UVSSA: variants seen among roughly 807,000 people sequenced by gnomAD.
UVSSA encodes UV-stimulated scaffold protein A.
In UVSSA, 72 loss-of-function variants were observed where a neutral mutation model predicts 73.9. That is an observed-to-expected ratio of 0.97 (90% CI 0.81 to 1.19). UVSSA has a LOEUF of 1.19. UVSSA is among the 50% of genes most tolerant of loss of function. The pLI is 0.00. For synonymous variants in UVSSA, 454 were observed against 391.3 expected, an observed-to-expected ratio of 1.16 and a Z score of -1.89; for missense variants, 1,150 against 965.0, an observed-to-expected ratio of 1.19 and a Z score of -2.54.
Position 1,369,697 on chromosome 4 carries a change from G to A in UVSSA, c.1288+3266G>A, listed in dbSNP as rs1717784555. Among the ~76,000 whole-genome samples the A allele has an allele frequency of 4.6e-5, 7 of 152,252 alleles. No individual in the cohort carries two copies. In the South Asian group the frequency reaches 1.4e-3, roughly 31 times the overall value. The stretch of plus-strand genomic sequence containing the variant: ...TGTCAGCGCTGGGCAGGCCGCCTGG[G>A]CGCAGAGGCCCCCCTCTCCGTTTCC... On this transcript the variant is annotated intron_variant, in intron 8 of 13. Transcript: ENST00000389851.
chr4:1,355,073 C>T, intron 6 of UVSSA, 44 bp from the exon 7 acceptor site: 1 of 1,604,350 alleles, frequency 6.2e-7, no homozygotes, highest in Non-Finnish European at 8.5e-7. Flanking sequence ...CTTCCCAGGT[C>T]CTGCCCGGCC....
intron 12 of UVSSA, among the ~76,000 whole-genome samples, chr4:1,382,533 C>T (rs1264719359): frequency 6.6e-6 from 1 of 152,232 alleles, no homozygotes; most frequent in Non-Finnish European, 1.5e-5. Context: ...TTTTAAATTG[C>T]TCCTTCATTT....
intron 7 of UVSSA, chr4:1,366,034 C>T: frequency 4.1e-6 from 1 of 241,668 alleles, no homozygotes; most frequent in Non-Finnish European, 8.0e-6. Flanking sequence ...AGGAGGGCAG[C>T]ACCTCCCACA....
chr4:1,349,657 C>T lies in UVSSA; in HGVS notation c.232C>T (p.Leu78=), dbSNP rs372340848. ...LFVRSHQFRM[L]VVSNFQEFLE... is the part of the protein sequence containing the mutation. ...CGTCAGGTCTCACCAGTTCCGGATGCTGGTTGTTTCCAACTTCCAGGAGTT... is the reference window on the plus strand; with the variant it reads ...CGTCAGGTCTCACCAGTTCCGGATGTTGGTTGTTTCCAACTTCCAGGAGTT... The change falls in exon 3 of 14, where the codon CTG becomes TTG. Residue 78 remains leucine (L), a synonymous_variant. Coordinates refer to ENST00000389851, the MANE Select transcript of UVSSA (RefSeq NM_020894.4). 2 of 1,614,078 alleles carry T rather than the reference C, an allele frequency of 1.2e-6. No individual in the cohort carries two copies. Among genetic ancestry groups the T allele is most frequent in the Non-Finnish European group, 1.7e-6 (2 of 1,179,992 alleles).
exon 14 of UVSSA, chr4:1,394,782 GATGT>G (rs1720488088): frequency 6.7e-7 from 1 of 1,501,306 alleles, no homozygotes; most frequent in African/African-American, 1.8e-5. Context: ...CACATGTGCC[GATGT>G]GGAGTGCCAC....
chr4:1,354,873 G>C (rs1400406282), intron 6 of UVSSA, 26 bp downstream of exon 6: 2 of 1,585,032 alleles, frequency 1.3e-6, no homozygotes, highest in African/African-American at 1.4e-5. Context: ...GGGACCTGTG[G>C]GTGGAGGGAC....
intron 3 of UVSSA, 119 bp from the exon 4 acceptor site, chr4:1,351,596 A>G (rs1241012075): frequency 6.5e-6 from 7 of 1,082,804 alleles, no homozygotes; most frequent in Non-Finnish European, 9.1e-6. Context: ...TCACCGTGTT[A>G]GCCAGGATGG....
In UVSSA at chr4:1,395,853, G is replaced by T. The variant is rs753266415; in HGVS notation, c.*9892G>T. ...TTCTCTGCACCTCGAGATAACGTAG[G>T]AATATTAGGGATGAGATGGAAGAGG... On this transcript the variant is annotated 3_prime_UTR_variant, in exon 14 of 14. Transcript: ENST00000511216. 3.1e-6 allele frequency: 5 copies of T among 1,611,314 alleles called. No homozygotes were observed. The African/African-American group carries it at 5.3e-5, about 17-fold the overall frequency.
chr4:1,351,814 C>G lies in UVSSA; in HGVS notation c.529C>G (p.Gln177Glu). 6.2e-7 allele frequency: 1 copy of G among 1,613,514 alleles called. No individual in the cohort carries two copies. Among genetic ancestry groups the G allele is most frequent in the Non-Finnish European group, 8.5e-7 (1 of 1,179,758 alleles). ...TAAAATTTATCAAGAAAGAGCCAGC[C>G]AGGCGGAGAGGGAGATGCAAGGCAA... ...LDKIYQERAS[Q>E]AEREMQEMSG... is the part of the protein sequence containing the mutation. Residue 177 changes from glutamine to glutamate, a missense_variant, in exon 4 of 14, where the codon CAG (glutamine) becomes GAG (glutamate). By Grantham distance (29) the Gln-to-Glu change is conservative (BLOSUM62 2). Transcript: ENST00000389851.
At chr4:1,354,645 G>C (rs916648794) in intron 5 of UVSSA, 90 bp from the exon 6 acceptor site, 2 of 1,195,208 alleles carry the variant, frequency 1.7e-6, no homozygotes, top group African/African-American at 1.5e-5. Context: ...CCTCAGGCTA[G>C]AGCAGCCTTC....
rs775749419 is a variant in UVSSA at position 1,375,457 on chromosome 4, C to T, written c.1382C>T (p.Ala461Val). 6.2e-7 allele frequency: 1 copy of T among 1,613,014 alleles called. No individual in the cohort carries two copies. ...GAGGTGTCGGACCCCACCTCTGCGGCTGCTCAGCTGCGGCAGCTCCGGGAC... is the reference window on the plus strand; with the variant it reads ...GAGGTGTCGGACCCCACCTCTGCGGTTGCTCAGCTGCGGCAGCTCCGGGAC... ...DEEVSDPTSA[A>V]AQLRQLRDHL... Residue 461 changes from alanine (A) to valine (V), a missense_variant, in exon 9 of 14, where the codon GCT becomes GTT. Physicochemically the swap from Ala to Val is moderately conservative, Grantham distance 64. Transcript: ENST00000389851.
chr4:1,383,340 GC>G (rs1560487896), intron 12 of UVSSA, among the ~76,000 whole-genome samples: 9 of 152,218 alleles, frequency 5.9e-5, no homozygotes, highest in African/African-American at 1.9e-4. Flanking sequence ...GCCACAGTTT[GC>G]CTAGTGGGGC....
At position 1,349,683 on chromosome 4, in the gene UVSSA, C is replaced by T. The variant is rs182881806; in HGVS notation, c.258C>T (p.Phe86=). The stretch of plus-strand genomic sequence containing the variant: ...TGGTTGTTTCCAACTTCCAGGAGTT[C>T]CTGGAGCTCACGCTGGGCACAGACC... ...RMLVVSNFQE[F]LELTLGTDPA... The change falls in exon 3 of 14, where the codon TTC becomes TTT. Residue 86 remains phenylalanine, a synonymous_variant. Transcript: ENST00000389851. The T allele has an allele frequency of 6.2e-7, 1 of 1,613,890 alleles. No individual in the cohort carries two copies. Among genetic ancestry groups the T allele is most frequent in the Admixed American group, 1.7e-5 (1 of 59,986 alleles).
chr4:1,379,291 C>T (rs529117513), intron 10 of UVSSA, among the ~76,000 whole-genome samples: 94 of 152,336 alleles, frequency 6.2e-4, no homozygotes, highest in African/African-American at 2.2e-3. Context: ...AGCACAGGGG[C>T]AGTCTGGTCT....
In UVSSA at chr4:1,347,568, C is replaced by T. The variant is rs1713894237; in HGVS notation, c.-195C>T. 6.5e-6 allele frequency: 1 copy of T among 152,674 alleles called. No individual in the cohort carries two copies. Among genetic ancestry groups the T allele is most frequent in the Non-Finnish European group, 1.5e-5 (1 of 68,284 alleles). The allele number at this position is 152,674 out of a possible 1,614,324, so 9.5% of individuals were successfully genotyped here. ...GGCGCTTCCTTCCGGGTCCTTCGGC[C>T]TTTCCCTGGCGGTGCGGCAGGCCCT... is the stretch of plus-strand genomic sequence containing the variant. On this transcript the variant is annotated 5_prime_UTR_variant, in exon 1 of 14. Coordinates refer to ENST00000389851, the MANE Select transcript of UVSSA (RefSeq NM_020894.4).
chr4:1,355,016 G>A (rs1715477409), intron 6 of UVSSA, 101 bp from the exon 7 acceptor site: 1 of 1,547,788 alleles, frequency 6.5e-7, no homozygotes, highest in Admixed American at 1.9e-5. Context: ...GGTGTGCCAG[G>A]GACCCCCCGG....
At chr4:1,380,606 G>C in intron 11 of UVSSA, 1 of 1,487,256 alleles carries the variant, frequency 6.7e-7, no homozygotes, top group Non-Finnish European at 9.0e-7. Flanking sequence ...GGTGCAGGGG[G>C]GTCGCTATGG....
rs777203171 is a variant in UVSSA, at chr4:1,381,000, C to T, written c.1861+12C>T. The T allele has an allele frequency of 1.1e-5, 17 of 1,609,488 alleles. 1 individual carries two copies. The highest frequency in any genetic ancestry group is 8.4e-5 in the Admixed American group (5 of 59,776). On this transcript the variant is annotated intron_variant, in intron 12 of 13. Transcript: ENST00000389851. The stretch of plus-strand genomic sequence containing the variant: ...GCAGGAGCGCCCGGGTAGGTCTGGG[C>T]AAGGCGGTCACCGTGGGAGGCACAG...
At chr4:1,344,284 C>T (rs551118058), upstream of UVSSA, among the ~76,000 whole-genome samples, 13 of 152,320 alleles carry the variant, frequency 8.5e-5, no homozygotes, top group South Asian at 2.3e-3. Flanking sequence ...GGTGCAGTGG[C>T]TCATGCCTGT....
Sources: allele counts gnomAD v4.1 joint callset (sites outside exome capture counted in the v4.1 genomes callset), GRCh38; gene constraint gnomAD v4.1.1; transcripts MANE v1.5; gene names NCBI Gene and HGNC (gene_info 2026-07-23, HGNC 2026-07-21).